Variants in CPVL observed in about 807,000 individuals in gnomAD.
The protein encoded by CPVL is probable serine carboxypeptidase CPVL.
A neutral mutation model predicts 63.7 loss-of-function variants in CPVL; 51 were observed. The ratio of observed to expected loss-of-function variants is 0.80; its 90% CI spans 0.64 to 1.01. The LOEUF (loss-of-function observed/expected upper bound fraction) is 1.01. Among genes scored for constraint, CPVL ranks in the 50% least tolerant of loss-of-function variants. The pLI is 0.00. For missense variants in CPVL, 530 were observed against 573.1 expected, an observed-to-expected ratio of 0.92 and a Z score of 0.77; for synonymous variants, 195 against 206.0, an observed-to-expected ratio of 0.95 and a Z score of 0.46.
intron 2 of CPVL, 59 bp from the exon 3 acceptor site, chr7:29,112,881 G>A (rs1788394842): frequency 8.7e-7 from 1 of 1,149,742 alleles, no homozygotes; most frequent in Non-Finnish European, 1.3e-6. Context: ...ACAAAAATGT[G>A]AGCCATCTAT....
chr7:29,034,400 C>T (rs1016883864), intron 11 of CPVL, among the ~76,000 whole-genome samples: 8 of 152,162 alleles, frequency 5.3e-5, no homozygotes, highest in South Asian at 2.1e-4. Context: ...TATGATCCAC[C>T]GCACCTGGCC....
At chr7:29,082,765 A>T (rs1784858714) in intron 7 of CPVL, among the ~76,000 whole-genome samples, 1 of 152,248 alleles carries the variant, frequency 6.6e-6, no homozygotes, top group Non-Finnish European at 1.5e-5. Context: ...TATATGCATA[A>T]AACCACAAGG....
At position 29,006,466 on chromosome 7, in the gene CPVL, T is replaced by C. The variant is rs543078032; in HGVS notation, c.1321-10584A>G. On this transcript the variant is annotated intron_variant, in intron 12 of 12. Coordinates refer to ENST00000265394, the MANE Select transcript of CPVL (RefSeq NM_031311.5). ...TTTGCAGAAAGGTGAGAAAGGCCTG[T>C]CACTTGTTTCCATTTCTGCCTACCC... Among the ~76,000 whole-genome samples the C allele has an allele frequency of 8.5e-5, 13 of 152,318 alleles. No homozygotes were observed. The South Asian group carries it at 2.5e-3, about 29-fold the overall frequency.
At chr7:29,125,962 G>C (rs543917754) in intron 1 of CPVL, among the ~76,000 whole-genome samples, 13 of 152,310 alleles carry the variant, frequency 8.5e-5, no homozygotes, top group Non-Finnish European at 1.8e-4. Flanking sequence ...CCCACCTGAT[G>C]TGCTCAAGCC....
rs993527865 is a variant in CPVL, at chr7:29,056,760, T to C, written c.1137+7301A>G. 2.0e-5 allele frequency among the ~76,000 whole-genome samples: 3 copies of C among 152,176 alleles called. No homozygotes were observed. In the South Asian group the frequency reaches 6.2e-4, roughly 32 times the overall value. On this transcript the variant is annotated intron_variant, in intron 11 of 12. Coordinates refer to ENST00000265394, the MANE Select transcript of CPVL (RefSeq NM_031311.5). Reference sequence around the variant, plus strand: ...AATTTTGTAAGAAATTTTCAAACTGTCTTCCAAGGTGGCTGTATCATTTTG... The same window carrying C: ...AATTTTGTAAGAAATTTTCAAACTGCCTTCCAAGGTGGCTGTATCATTTTG...
chr7:29,020,675 AAAAC>A (rs1486586691), intron 12 of CPVL, among the ~76,000 whole-genome samples: 20 of 126,992 alleles, frequency 1.6e-4, no homozygotes, highest in Admixed American at 1.1e-3. Context: ...TGTTTTTAAA[AAAAC>A]AATAGTCACA....
chr7:29,092,180 C>CT (rs3042208), intron 6 of CPVL, among the ~76,000 whole-genome samples: 8,218 of 137,520 alleles, frequency 0.06, 252 homozygotes, highest in Middle Eastern at 0.085. Context: ...TACATTTTTC[C>CT]TTTTTTTTTT....
At chr7:29,069,757 C>T (rs1370260127) in intron 9 of CPVL, among the ~76,000 whole-genome samples, 1 of 150,200 alleles carries the variant, frequency 6.7e-6, no homozygotes, top group African/African-American at 2.5e-5. Context: ...GCATCCTCTC[C>T]ACTCACCAGT....
intron 1 of CPVL, among the ~76,000 whole-genome samples, chr7:29,132,878 A>G (rs954569568): frequency 6.6e-6 from 1 of 152,218 alleles, no homozygotes; most frequent in African/African-American, 2.4e-5. Context: ...GAAGAAAGAC[A>G]TGGTTAATAG....
chr7:29,015,150 C>A (rs748552779), intron 12 of CPVL, among the ~76,000 whole-genome samples: 3 of 152,200 alleles, frequency 2.0e-5, no homozygotes, highest in African/African-American at 4.8e-5. Flanking sequence ...TGCAGATGAA[C>A]CATGCCTCCT....
rs775743435 is a variant in CPVL at position 29,139,534 on chromosome 7, G to C, written c.-11+6895C>G. Among the ~76,000 whole-genome samples the C allele has an allele frequency of 3.3e-5, 5 of 152,044 alleles. 1 individual carries two copies. The South Asian group carries it at 6.2e-4, about 19-fold the overall frequency. On this transcript the variant is annotated intron_variant, in intron 1 of 12. Transcript: ENST00000265394. The stretch of plus-strand genomic sequence containing the variant: ...GAAACCTAAGAAAGGCTATTCTTGG[G>C]GGGGCAGGGGGGCTACAACACTGAT...
intron 11 of CPVL, among the ~76,000 whole-genome samples, chr7:29,056,157 A>G (rs80216601): frequency 0.047 from 7,139 of 152,224 alleles, 415 homozygotes; most frequent in East Asian, 0.25. Flanking sequence ...ACAGCGATGT[A>G]TTTGTTACAC....
At chr7:28,999,969 A>G (rs1784453279) in intron 12 of CPVL, among the ~76,000 whole-genome samples, 1 of 152,216 alleles carries the variant, frequency 6.6e-6, no homozygotes, top group Non-Finnish European at 1.5e-5. Flanking sequence ...AGAGGTGAGT[A>G]ACAAAATGTG....
intron 1 of CPVL, among the ~76,000 whole-genome samples, chr7:29,134,518 A>G (rs540146529): frequency 6.6e-6 from 1 of 152,364 alleles, no homozygotes; most frequent in Admixed American, 6.5e-5. Context: ...ATGAAGCAGA[A>G]TAACTCTCCA....
At chr7:29,057,375 T>A (rs1226249696) in intron 11 of CPVL, among the ~76,000 whole-genome samples, 2 of 152,222 alleles carry the variant, frequency 1.3e-5, no homozygotes, top group Admixed American at 6.5e-5. Flanking sequence ...TAAGGGTTTT[T>A]AAAAATATAT....
At chr7:29,149,454 A>G (rs1793284636), upstream of CPVL, among the ~76,000 whole-genome samples, 2 of 152,174 alleles carry the variant, frequency 1.3e-5, no homozygotes, top group South Asian at 4.2e-4. Flanking sequence ...TTGGCCTCCC[A>G]AAGTGCTGGG....
intron 2 of CPVL, 121 bp from the exon 3 acceptor site, chr7:29,112,943 G>C (rs1255131726): frequency 1.9e-5 from 13 of 674,550 alleles, no homozygotes; most frequent in Non-Finnish European, 3.4e-5. Context: ...GAACTGGTAT[G>C]ACAGGTAGTT....
chr7:29,042,430 C>G (rs1213655398), intron 11 of CPVL, among the ~76,000 whole-genome samples: 1 of 151,954 alleles, frequency 6.6e-6, no homozygotes, highest in Non-Finnish European at 1.5e-5. Flanking sequence ...CAGCAATATC[C>G]TCTCTCTACA....
intron 12 of CPVL, among the ~76,000 whole-genome samples, chr7:29,028,526 A>C (rs781323064): frequency 6.6e-6 from 1 of 152,226 alleles, no homozygotes; most frequent in Non-Finnish European, 1.5e-5. Flanking sequence ...CTTCACAGCA[A>C]AGGGAACAAT....
Sources: gnomAD v4.1 joint callset for allele counts (sites outside exome capture counted in the v4.1 genomes callset) on GRCh38, gnomAD v4.1.1 for gene constraint, MANE v1.5 for transcripts, NCBI Gene and HGNC (gene_info 2026-07-23, HGNC 2026-07-21) for gene names.